Variants in CDH18 observed in about 807,000 individuals in gnomAD.
CDH18 encodes the protein cadherin 18, also known as cadherin-18.
CDH18 carries 31 observed loss-of-function variants against 67.9 expected under a neutral mutation model. The ratio of observed to expected loss-of-function variants is 0.46; its 90% confidence interval spans 0.34 to 0.62. The LOEUF (loss-of-function observed/expected upper bound fraction) is 0.62, where lower values mean the gene tolerates loss of function less well. CDH18 is among the 20% of genes least tolerant of loss of function. The probability of loss-of-function intolerance (pLI) is 0.01; values close to 1 mark genes in which losing one functional copy is unlikely to be tolerated. For missense variants in CDH18, 890 were observed against 975.5 expected (o/e 0.91, Z 1.17); for synonymous variants, 362 against 347.2 (o/e 1.04, Z -0.48).
chr5:20,253,551 A>G (rs918944680), intron 2 of CDH18, among the ~76,000 whole-genome samples: 11 of 152,128 alleles, frequency 7.2e-5, no homozygotes, highest in Admixed American at 6.5e-4. Context: ...TGTAATAACC[A>G]TTTTTTTGAA....
At chr5:20,272,661 T>A (rs753958755) in intron 1 of CDH18, among the ~76,000 whole-genome samples, 2 of 152,066 alleles carry the variant, frequency 1.3e-5, no homozygotes, top group African/African-American at 2.4e-5. Context: ...ATATTTATAT[T>A]GACATAACAT....
In CDH18 at chr5:19,774,808, C is replaced by CAAAAAAAAAAAAAAAAAAAAAAA. The variant is rs59248561; in HGVS notation, c.229-27595_229-27573dup. Among the ~76,000 whole-genome samples the CAAAAAAAAAAAAAAAAAAAAAAA allele has an allele frequency of 1.4e-4, 5 of 35,416 alleles. 1 individual carries two copies. The highest frequency in any genetic ancestry group is 2.1e-4 in the Non-Finnish European group (4 of 19,264). 23.2% of individuals were successfully genotyped at this position (35,416 alleles called of 152,430 possible). A position where few individuals can be genotyped will look rare whatever the true frequency, so the allele number is the denominator to read the frequency against. ...TGAGTGACAGAGCAAGACTCTGTCT[C>CAAAAAAAAAAAAAAAAAAAAAAA]AAAAAAAAAAAAAAAAAAAAAAAAA... On this transcript the variant is annotated intron_variant, in intron 3 of 12. Transcript: ENST00000382275.
intron 2 of CDH18, among the ~76,000 whole-genome samples, chr5:20,251,801 T>G (rs1743880391): frequency 6.6e-6 from 1 of 152,196 alleles, no homozygotes; most frequent in African/African-American, 2.4e-5. Context: ...TCAAAAATAA[T>G]AATGAGCACA....
intron 11 of CDH18, among the ~76,000 whole-genome samples, chr5:19,495,717 CAAAAA>C (rs749003068): frequency 1.1e-4 from 5 of 46,558 alleles, no homozygotes; most frequent in African/African-American, 2.4e-4. Context: ...GAAACTGTCT[CAAAAA>C]AAAAAAAAAA....
chr5:19,846,915 TTTTTC>T (rs1783036229), intron 2 of CDH18, among the ~76,000 whole-genome samples: 2 of 112,390 alleles, frequency 1.8e-5, no homozygotes, highest in Non-Finnish European at 4.1e-5. Flanking sequence ...GGCAAGATTT[TTTTTC>T]TTTTTCTTTT....
At chr5:20,539,431 A>G (rs907346010) in intron 1 of CDH18, among the ~76,000 whole-genome samples, 1 of 152,142 alleles carries the variant, frequency 6.6e-6, no homozygotes, top group African/African-American at 2.4e-5. Flanking sequence ...AATGCCATTG[A>G]CAATGTTTCT....
chr5:20,121,059 T>C (rs1748314249), intron 2 of CDH18, among the ~76,000 whole-genome samples: 1 of 152,170 alleles, frequency 6.6e-6, no homozygotes, highest in African/African-American at 2.4e-5. Context: ...CTGAAAATAC[T>C]TTCCCATCAC....
chr5:19,885,300 G>A (rs1011183840), intron 2 of CDH18, among the ~76,000 whole-genome samples: 4 of 152,154 alleles, frequency 2.6e-5, no homozygotes, highest in Non-Finnish European at 5.9e-5. Context: ...TGACCGTTAA[G>A]TTATAATGAC....
intron 1 of CDH18, among the ~76,000 whole-genome samples, chr5:20,311,478 A>C (rs1046620736): frequency 2.0e-5 from 3 of 152,310 alleles, no homozygotes; most frequent in Admixed American, 6.5e-5. Context: ...AAAAAGGATA[A>C]GTTCATGTCC....
Position 19,520,719 on chromosome 5 carries a change from T to A in CDH18, c.1450A>T (p.Asn484Tyr), listed in dbSNP as rs757876229. 1.2e-6 allele frequency: 2 copies of A among 1,612,462 alleles called. No individual in the cohort carries two copies. Among genetic ancestry groups the A allele is most frequent in the South Asian group, 1.1e-5 (1 of 91,006 alleles). Residue 484 changes from asparagine (N) to tyrosine (Y), a missense_variant, in exon 10 of 13, where the codon AAT becomes TAT. Physicochemically the swap from Asn to Tyr is moderately radical, Grantham distance 143. Transcript: ENST00000382275. ...VGIRVLDVND[N>Y]PPELAREYDI... is the part of the protein sequence containing the mutation. ...TATTCCCTGGCAAGTTCGGGTGGATTGTCATTGACATCCAGAACTCTAATA... is the reference window on the plus strand; with the variant it reads ...TATTCCCTGGCAAGTTCGGGTGGATAGTCATTGACATCCAGAACTCTAATA...
chr5:20,349,218 T>G (rs928022630), intron 1 of CDH18, among the ~76,000 whole-genome samples: 4 of 152,150 alleles, frequency 2.6e-5, no homozygotes, highest in Admixed American at 6.6e-5. Flanking sequence ...TTACTCACAC[T>G]TATTGTGGAA....
At chr5:20,419,470 T>TTG (rs1747660665) in intron 1 of CDH18, among the ~76,000 whole-genome samples, 1 of 62,816 alleles carries the variant, frequency 1.6e-5, no homozygotes, top group African/African-American at 7.0e-5. Context: ...CTGTTTTTTT[T>TTG]TTTTTTTTTT....
intron 5 of CDH18, among the ~76,000 whole-genome samples, chr5:19,693,997 T>C (rs1762232789): frequency 6.6e-6 from 1 of 152,096 alleles, no homozygotes; most frequent in African/African-American, 2.4e-5. Context: ...TTATATTTAA[T>C]TCATCTCAGT....
intron 2 of CDH18, among the ~76,000 whole-genome samples, chr5:20,074,654 G>C (rs1743767141): frequency 6.6e-6 from 1 of 151,728 alleles, no homozygotes; most frequent in Admixed American, 6.6e-5. Context: ...TCAAAATGAA[G>C]TAGAAATATG....
intron 2 of CDH18, among the ~76,000 whole-genome samples, chr5:20,133,778 G>A (rs1213468856): frequency 6.6e-6 from 1 of 151,764 alleles, no homozygotes; most frequent in Non-Finnish European, 1.5e-5. Context: ...AAAATGATTT[G>A]TGTTGTTTTT....
intron 1 of CDH18, among the ~76,000 whole-genome samples, chr5:20,412,092 A>C (rs1746836282): frequency 1.3e-5 from 2 of 152,166 alleles, no homozygotes; most frequent in Non-Finnish European, 1.5e-5. Context: ...CCTAAGCAAA[A>C]ATAGCAAAGC....
At chr5:20,304,764 T>G (rs1279847148) in intron 1 of CDH18, 3 of 1,611,094 alleles carry the variant, frequency 1.9e-6, no homozygotes, top group Admixed American at 3.3e-5. Context: ...CTTGCTGTAA[T>G]TTTGTTGAGC....
chr5:20,434,898 T>C (rs1446655245), intron 1 of CDH18, among the ~76,000 whole-genome samples: 3 of 152,050 alleles, frequency 2.0e-5, no homozygotes, highest in Admixed American at 2.0e-4. Context: ...AGTATGTGAC[T>C]AGAAGCAGTT....
At chr5:19,724,512 T>C (rs942810575) in intron 4 of CDH18, among the ~76,000 whole-genome samples, 5 of 148,888 alleles carry the variant, frequency 3.4e-5, no homozygotes, top group Admixed American at 1.3e-4. Context: ...CACACAGACA[T>C]ACACACACAC....
Sources: gnomAD v4.1 joint callset for allele counts (sites outside exome capture counted in the v4.1 genomes callset) on GRCh38, gnomAD v4.1.1 for gene constraint, MANE v1.5 for transcripts, NCBI Gene and HGNC (gene_info 2026-07-23, HGNC 2026-07-21) for gene names.